Variants in RPH3A observed in about 807,000 individuals in gnomAD.
RPH3A encodes the protein rabphilin 3A.
A neutral mutation model predicts 102.2 loss-of-function variants in RPH3A; 48 were observed. The ratio of observed to expected loss-of-function variants is 0.47; its 90% CI spans 0.37 to 0.60. The LOEUF is 0.60. Among genes scored for constraint, RPH3A ranks in the 20% least tolerant of loss-of-function variants. The probability of loss-of-function intolerance (pLI) is 0.00; values close to 1 mark genes in which losing one functional copy is unlikely to be tolerated. For missense variants in RPH3A, 781 were observed against 910.1 expected, an observed-to-expected ratio of 0.86 and a Z score of 1.83; for synonymous variants, 310 against 324.3, an observed-to-expected ratio of 0.96 and a Z score of 0.47.
chr12:112,796,918 T>C (rs1323497952), intron 2 of RPH3A, among the ~76,000 whole-genome samples: 2 of 152,042 alleles, frequency 1.3e-5, no homozygotes, highest in Non-Finnish European at 2.9e-5. Context: ...GGTGTGGTGG[T>C]GTGTGCCTGC....
chr12:112,766,484 G>C (rs184606275), intron 1 of RPH3A, among the ~76,000 whole-genome samples: 135 of 152,236 alleles, frequency 8.9e-4, no homozygotes, highest in African/African-American at 3.1e-3. Context: ...GTGTTCCCAT[G>C]GGAGACTGGC....
chr12:112,870,310 CAAAA>C (rs377457634), intron 10 of RPH3A, among the ~76,000 whole-genome samples: 7 of 105,604 alleles, frequency 6.6e-5, no homozygotes, highest in African/African-American at 2.1e-4. Flanking sequence ...CTCCCCGCCT[CAAAA>C]AAAAAAAAAA....
Position 112,896,737 on chromosome 12 carries a change from G to A in RPH3A, c.2042G>A (p.Arg681His), listed in dbSNP as rs747958042. The change falls in exon 22 of 22, where the codon CGC (arginine) becomes CAC (histidine). Residue 681 changes from arginine (R) to histidine (H), a missense_variant. This residue lies in a region of RPH3A where 51 missense variants were observed against 100.1 expected (regional missense o/e 0.51). Coordinates refer to ENST00000389385, the MANE Select transcript of RPH3A (RefSeq NM_001143854.2). ...AAAAATAAAGACAAGAAGATAGAGCGCTGGCACCAGCTACAGAATGAGAAC... is the reference window on the plus strand; with the variant it reads ...AAAAATAAAGACAAGAAGATAGAGCACTGGCACCAGCTACAGAATGAGAAC... ...CLKNKDKKIE[R>H]WHQLQNENHV... is the part of the protein sequence containing the mutation. 9.3e-6 allele frequency: 15 copies of A among 1,614,016 alleles called. No homozygotes were observed. The highest frequency in any genetic ancestry group is 1.6e-4 in the Middle Eastern group (1 of 6,078).
At chr12:112,842,150 A>G (rs991910914) in intron 4 of RPH3A, among the ~76,000 whole-genome samples, 4 of 152,160 alleles carry the variant, frequency 2.6e-5, no homozygotes, top group Non-Finnish European at 5.9e-5. Flanking sequence ...AAAACATTCT[A>G]TTCATTCATT....
At chr12:112,580,150 A>G (rs2039387249) in intron 1 of RPH3A, among the ~76,000 whole-genome samples, 1 of 151,474 alleles carries the variant, frequency 6.6e-6, no homozygotes, top group Non-Finnish European at 1.5e-5. Context: ...CTCATTCACT[A>G]TTTTTATCTC....
chr12:112,839,677 G>C (rs1012329774), intron 4 of RPH3A, among the ~76,000 whole-genome samples: 3 of 152,184 alleles, frequency 2.0e-5, no homozygotes, highest in African/African-American at 7.2e-5. Flanking sequence ...GTCTTGGCTA[G>C]ATTTAAGGAG....
Position 112,876,723 on chromosome 12 carries a change from G to A in RPH3A, c.1028G>A (p.Gly343Glu). Reference sequence around the variant, plus strand: ...GGAGTCGGGGGCTACCCAGCAGTTGGAGCCAGAGAGGACCGAATGAGCCAC... The same window carrying A: ...GGAGTCGGGGGCTACCCAGCAGTTGAAGCCAGAGAGGACCGAATGAGCCAC... ...TGGVGGYPAV[G>E]AREDRMSHPS... The change falls in exon 13 of 22, where the codon GGA becomes GAA. Residue 343 changes from glycine (G) to glutamate (E), a missense_variant. By Grantham distance (98) the Gly-to-Glu change is moderately conservative. This residue lies in a region of RPH3A where 730 missense variants were observed against 810.0 expected (regional missense o/e 0.90). Transcript: ENST00000389385. 1 of 1,613,374 alleles carries A rather than the reference G, an allele frequency of 6.2e-7. No individual in the cohort carries two copies. The highest frequency in any genetic ancestry group is 8.5e-7 in the Non-Finnish European group (1 of 1,179,726).
chr12:112,827,680 AT>A (rs907395281), intron 2 of RPH3A, among the ~76,000 whole-genome samples: 7 of 151,268 alleles, frequency 4.6e-5, no homozygotes, highest in East Asian at 1.9e-4. Flanking sequence ...GATGTAGAGT[AT>A]TTTTTTTTAA....
At chr12:112,845,902 C>G (rs111757026) in intron 4 of RPH3A, among the ~76,000 whole-genome samples, 58 of 152,268 alleles carry the variant, frequency 3.8e-4, no homozygotes, top group African/African-American at 1.3e-3. Flanking sequence ...TCAAAGACAG[C>G]CTCTCTGAGA....
intron 5 of RPH3A, among the ~76,000 whole-genome samples, chr12:112,853,990 C>T (rs1478264254): frequency 1.3e-5 from 2 of 152,256 alleles, no homozygotes; most frequent in African/African-American, 4.8e-5. Flanking sequence ...CGGCGTCCCT[C>T]ATGGCCTCCC....
intron 16 of RPH3A, among the ~76,000 whole-genome samples, 194 bp from the exon 17 acceptor site, chr12:112,887,603 C>T (rs753376426): frequency 6.6e-6 from 1 of 152,196 alleles, no homozygotes; most frequent in Non-Finnish European, 1.5e-5. Flanking sequence ...AATTTATGTG[C>T]TTTACTGCAT....
intron 1 of RPH3A, among the ~76,000 whole-genome samples, chr12:112,669,585 C>T (rs2040112839): frequency 6.6e-6 from 1 of 152,220 alleles, no homozygotes. Context: ...CACCCTCTCA[C>T]AATCCACAAA....
chr12:112,630,700 C>G (rs2039797939), intron 1 of RPH3A, among the ~76,000 whole-genome samples: 1 of 152,164 alleles, frequency 6.6e-6, no homozygotes, highest in Admixed American at 6.5e-5. Flanking sequence ...TCCCTTTCCT[C>G]TCTTTATCTC....
At chr12:112,733,363 G>C (rs2040647070) in intron 1 of RPH3A, among the ~76,000 whole-genome samples, 1 of 152,186 alleles carries the variant, frequency 6.6e-6, no homozygotes, top group Non-Finnish European at 1.5e-5. Flanking sequence ...AGAGTTGGTT[G>C]TGAGGTGTGT....
intron 1 of RPH3A, among the ~76,000 whole-genome samples, chr12:112,595,995 C>T (rs11833061): frequency 6.6e-6 from 1 of 152,080 alleles, no homozygotes; most frequent in South Asian, 2.1e-4. Flanking sequence ...CTCCATAGAC[C>T]ATGACACATC....
At chr12:112,694,630 G>A (rs1024628121) in intron 1 of RPH3A, among the ~76,000 whole-genome samples, 2 of 117,072 alleles carry the variant, frequency 1.7e-5, no homozygotes, top group Non-Finnish European at 3.4e-5. Flanking sequence ...AAAGACACAC[G>A]CACGCGCGCG....
At chr12:112,850,751 T>G (rs556969607) in intron 5 of RPH3A, 7 of 152,256 alleles carry the variant, frequency 4.6e-5, no homozygotes, top group Non-Finnish European at 8.8e-5. Context: ...ACATCAGACA[T>G]GGAGCCAAAC....
intron 2 of RPH3A, among the ~76,000 whole-genome samples, chr12:112,823,903 A>G (rs1000148744): frequency 2.6e-5 from 4 of 152,204 alleles, no homozygotes; most frequent in Non-Finnish European, 5.9e-5. Flanking sequence ...ACATCTTAGG[A>G]GAACATTTTA....
At position 112,828,353 on chromosome 12, in the gene RPH3A, G is replaced by T; in HGVS notation, c.35G>T (p.Arg12Leu). 6.2e-7 allele frequency: 1 copy of T among 1,608,112 alleles called. No individual in the cohort carries two copies. Among genetic ancestry groups the T allele is most frequent in the Non-Finnish European group, 8.5e-7 (1 of 1,177,388 alleles). The change falls in exon 3 of 22, where the codon CGT (arginine) becomes CTT (leucine). Residue 12 changes from arginine to leucine, a missense_variant. By Grantham distance (102) the Arg-to-Leu change is moderately radical (BLOSUM62 -2). Around this residue, in one of 2 missense-constraint regions of RPH3A, gnomAD observed 730 missense variants for 810.0 expected, o/e 0.90. Transcript: ENST00000389385. ...TDTVFSNSSN[R>L]WMYPSDRPLQ... is the part of the protein sequence containing the mutation. Reference sequence around the variant, plus strand: ...ACCGTGTTCAGCAACAGTTCTAACCGTTGGATGTACCCCAGTGACCGGCCC... The same window carrying T: ...ACCGTGTTCAGCAACAGTTCTAACCTTTGGATGTACCCCAGTGACCGGCCC...
Sources: gnomAD v4.1 joint callset for allele counts (sites outside exome capture counted in the v4.1 genomes callset) on GRCh38, gnomAD v4.1.1 for gene constraint, gnomAD v4.1.1 regional missense constraint, MANE v1.5 for transcripts, NCBI Gene and HGNC (gene_info 2026-07-23, HGNC 2026-07-21) for gene names.